NHERF2: variants seen among roughly 807,000 people sequenced by gnomAD.
NHERF2 encodes Na(+)/H(+) exchange regulatory cofactor NHE-RF2.
At chr16:2,033,167 C>T in the NHERF2 span, 8 of 1,426,602 alleles carry the variant, frequency 5.6e-6, no homozygotes, top group South Asian at 5.9e-5. Context: ...CTGGAGCCTT[C>T]GCAGGGGAGC....
chr16:2,027,814 C>T, the NHERF2 span, among the ~76,000 whole-genome samples: 1 of 152,190 alleles, frequency 6.6e-6, no homozygotes, highest in Admixed American at 6.5e-5. Context: ...CTAGTGTACT[C>T]ATCACTGTCT....
chr16:2,035,544 G>T, the NHERF2 span: 2 of 986,498 alleles, frequency 2.0e-6, no homozygotes, highest in Non-Finnish European at 2.4e-6. Context: ...CCTCCTGCCT[G>T]CTCCGGCCAC....
At chr16:2,035,493 C>T in the NHERF2 span, 838 of 986,422 alleles carry the variant, frequency 8.5e-4, 1 homozygote, top group Non-Finnish European at 9.0e-4. Context: ...GTCTCCCCTG[C>T]GCACGCCCTC....
chr16:2,036,240 T>C, the NHERF2 span: 1 of 1,389,146 alleles, frequency 7.2e-7, no homozygotes, highest in Admixed American at 2.2e-5. Flanking sequence ...GTACCGAGTT[T>C]GGGCAGTGGC....
chr16:2,037,549 C>A, the NHERF2 span: 2 of 1,611,678 alleles, frequency 1.2e-6, no homozygotes, highest in Non-Finnish European at 1.7e-6. Flanking sequence ...TCAATGGTGG[C>A]TCTGCGTGCT....
chr16:2,029,426 GT>G, the NHERF2 span: 1 of 655,724 alleles, frequency 1.5e-6, no homozygotes, highest in South Asian at 1.8e-5. Context: ...GAGTCCGGGG[GT>G]GGGGGGCGGG....
the NHERF2 span, among the ~76,000 whole-genome samples, chr16:2,031,048 G>A: frequency 6.6e-6 from 1 of 152,224 alleles, no homozygotes; most frequent in African/African-American, 2.4e-5. Context: ...TGTGGGATCT[G>A]GAGTTCTGAG....
chr16:2,027,034 G>C, the NHERF2 span: 1 of 1,308,626 alleles, frequency 7.6e-7, no homozygotes, highest in African/African-American at 1.5e-5. Context: ...CTGCGGCCGC[G>C]CCTGTGCCGC....
the NHERF2 span, among the ~76,000 whole-genome samples, chr16:2,035,000 T>G: frequency 6.6e-6 from 1 of 152,098 alleles, no homozygotes; most frequent in Non-Finnish European, 1.5e-5. Context: ...ACCCTCTAAT[T>G]CAGCCCATGT....
At chr16:2,034,979 G>C in the NHERF2 span, among the ~76,000 whole-genome samples, 1 of 152,140 alleles carries the variant, frequency 6.6e-6, no homozygotes, top group Non-Finnish European at 1.5e-5. Flanking sequence ...TGGAGATTTT[G>C]GGGGTCTTGC....
At chr16:2,036,368 C>G in the NHERF2 span, 2 of 1,610,794 alleles carry the variant, frequency 1.2e-6, no homozygotes, top group Non-Finnish European at 1.7e-6. Context: ...GGCTCTGCCA[C>G]CTGCGAAAGG....
At chr16:2,037,571 G>C in the NHERF2 span, 1 of 1,612,818 alleles carries the variant, frequency 6.2e-7, no homozygotes, top group African/African-American at 1.3e-5. Context: ...GTCCCGAAGT[G>C]ACCTGCCTGG....
the NHERF2 span, among the ~76,000 whole-genome samples, chr16:2,031,011 C>T: frequency 6.6e-6 from 1 of 152,172 alleles, no homozygotes; most frequent in African/African-American, 2.4e-5. Context: ...CCAGACCCCA[C>T]TGTGAGAACC....
the NHERF2 span, chr16:2,037,666 T>C: frequency 2.5e-6 from 4 of 1,578,982 alleles, no homozygotes; most frequent in Non-Finnish European, 3.4e-6. Flanking sequence ...TAGGCGTCTG[T>C]GGAGATGTCA....
At chr16:2,037,766 C>T in the NHERF2 span, 6 of 1,550,508 alleles carry the variant, frequency 3.9e-6, no homozygotes, top group South Asian at 4.7e-5. Flanking sequence ...GGAGGGGCCA[C>T]CGTCTGGGGT....
At chr16:2,028,505 G>C in the NHERF2 span, among the ~76,000 whole-genome samples, 4 of 152,198 alleles carry the variant, frequency 2.6e-5, no homozygotes, top group African/African-American at 9.6e-5. Context: ...ACTGCCCCAG[G>C]AGGGCAAGAG....
the NHERF2 span, chr16:2,029,547 G>A: frequency 6.5e-7 from 1 of 1,542,122 alleles, no homozygotes. Flanking sequence ...CGGAATGTGG[G>A]CCACTGACCC....
chr16:2,029,617 T>C, the NHERF2 span: 1 of 1,579,596 alleles, frequency 6.3e-7, no homozygotes, highest in Non-Finnish European at 8.6e-7. Context: ...AGGGGCAGAC[T>C]CGGCTGCTGG....
chr16:2,036,719 T>A, the NHERF2 span: 1 of 1,609,702 alleles, frequency 6.2e-7, no homozygotes, highest in South Asian at 1.1e-5. Context: ...TACATGCTGG[T>A]GGCGGCAGGT....
Sources: gnomAD v4.1 joint callset for allele counts (sites outside exome capture counted in the v4.1 genomes callset) on GRCh38, gnomAD v4.1.1 for gene constraint, MANE v1.5 for transcripts, NCBI Gene and HGNC (gene_info 2026-07-23, HGNC 2026-07-21) for gene names.